ENOPH1: variants seen among roughly 807,000 people sequenced by gnomAD.
The protein encoded by ENOPH1 is enolase-phosphatase 1, also known as enolase-phosphatase E1.
ENOPH1 carries 14 observed loss-of-function variants against 31.1 expected under a neutral mutation model. The ratio of observed to expected loss-of-function variants is 0.45; its 90% CI spans 0.30 to 0.70. ENOPH1 has a LOEUF of 0.70. Ranked by LOEUF, ENOPH1 falls within the 30% of genes least tolerant of loss-of-function variation. The pLI, the probability that ENOPH1 is intolerant of heterozygous loss-of-function variation, is 0.09. For synonymous variants in ENOPH1, 127 were observed against 123.2 expected (o/e 1.03, Z -0.21); for missense variants, 243 against 321.5 (o/e 0.76, Z 1.87).
chr4:82,443,645 A>G (rs909559255), intron 1 of ENOPH1, among the ~76,000 whole-genome samples: 1 of 147,860 alleles, frequency 6.8e-6, no homozygotes, highest in South Asian at 2.2e-4. Context: ...GGAAAATGGC[A>G]TGAACCCAGC....
At chr4:82,454,085 A>G (rs1722421976) in intron 3 of ENOPH1, among the ~76,000 whole-genome samples, 1 of 150,364 alleles carries the variant, frequency 6.7e-6, no homozygotes, top group South Asian at 2.1e-4. Flanking sequence ...GTGGTAGCAC[A>G]TGCTTGTAGT....
chr4:82,433,813 G>A (rs1234622458), intron 1 of ENOPH1, among the ~76,000 whole-genome samples: 4 of 152,182 alleles, frequency 2.6e-5, no homozygotes. Flanking sequence ...TTTTAGTAGA[G>A]TATCTCAGTG....
Position 82,457,205 on chromosome 4 carries a change from T to TA in ENOPH1, c.646+179dup, listed in dbSNP as rs200636321. 4.0e-3 allele frequency among the ~76,000 whole-genome samples: 578 copies of TA among 144,648 alleles called. 2 individuals are homozygous for TA. The highest frequency in any genetic ancestry group is 5.2e-3 in the Non-Finnish European group (341 of 65,556). The allele number at this position is 144,648 out of a possible 152,430, so 94.9% of individuals were successfully genotyped here. A position where few individuals can be genotyped will look rare whatever the true frequency, so the allele number is the denominator to read the frequency against. On this transcript the variant is annotated intron_variant, in intron 5 of 5. Transcript: ENST00000273920. Reference sequence around the variant, plus strand: ...GTCTGGTTCAAGTTCATGTTTGAATTAAAAAAAAAAAACACAGCAGTGAAG... The same window carrying TA: ...GTCTGGTTCAAGTTCATGTTTGAATTAAAAAAAAAAAAACACAGCAGTGAAG...
intron 1 of ENOPH1, among the ~76,000 whole-genome samples, chr4:82,431,535 A>G (rs1298519689): frequency 6.6e-6 from 1 of 152,222 alleles, no homozygotes; most frequent in Admixed American, 6.5e-5. Flanking sequence ...CACTTTCCTC[A>G]GAAAACCACA....
chr4:82,450,909 T>C, intron 2 of ENOPH1, 134 bp from the exon 3 acceptor site: 2 of 648,326 alleles, frequency 3.1e-6, no homozygotes, highest in South Asian at 3.8e-5. Flanking sequence ...CTCCAAAGTA[T>C]ATGATGTTTC....
rs1422037434 is a variant in ENOPH1, at chr4:82,451,250, G to A, written c.389+5G>A. 6.2e-7 allele frequency: 1 copy of A among 1,613,696 alleles called. No individual in the cohort carries two copies. Among genetic ancestry groups the A allele is most frequent in the East Asian group, 2.2e-5 (1 of 44,890 alleles). On this transcript the variant is annotated splice_donor_5th_base_variant and intron_variant, in intron 3 of 5. Transcript: ENST00000273920. Reference sequence around the variant, plus strand: ...AGCTGGGCGCATGAAAGCAGAGTATGTGCTTGAGTCAGCCTAAACATTTCA... The same window carrying A: ...AGCTGGGCGCATGAAAGCAGAGTATATGCTTGAGTCAGCCTAAACATTTCA...
intron 2 of ENOPH1, among the ~76,000 whole-genome samples, chr4:82,449,596 T>C (rs929727756): frequency 6.6e-6 from 1 of 152,128 alleles, no homozygotes; most frequent in African/African-American, 2.4e-5. Flanking sequence ...AGGATGGTGC[T>C]AAACAAACCA....
At chr4:82,435,506 CT>C (rs1392474167) in intron 1 of ENOPH1, among the ~76,000 whole-genome samples, 3 of 152,176 alleles carry the variant, frequency 2.0e-5, no homozygotes, top group Non-Finnish European at 4.4e-5. Flanking sequence ...TAACAGTCCT[CT>C]TTATGTCCTC....
At chr4:82,446,677 G>GTGACGGAATC (rs1722194319) in intron 1 of ENOPH1, among the ~76,000 whole-genome samples, 1 of 108,582 alleles carries the variant, frequency 9.2e-6, no homozygotes. Context: ...TTTTTTTTTT[G>GTGACGGAATC]TGTGACGGAA....
chr4:82,430,756 G>GGCCGCA lies in ENOPH1; in HGVS notation c.-63_-58dup, dbSNP rs1357284800. On this transcript the variant is annotated 5_prime_UTR_variant, in exon 1 of 6. Coordinates refer to ENST00000273920, the MANE Select transcript of ENOPH1 (RefSeq NM_021204.5). ...GCCGGAAGCCCAAGACGGTACCGGG[G>GGCCGCA]GCCGCAGCCGCAGCCGGCGCCGCCC... 5 of 1,450,698 alleles carry GGCCGCA rather than the reference G, an allele frequency of 3.4e-6. No individual in the cohort carries two copies. The highest frequency in any genetic ancestry group is 1.7e-4 in the Middle Eastern group (1 of 5,736). The allele number at this position is 1,450,698 out of a possible 1,614,324, so 89.9% of individuals were successfully genotyped here. A position where few individuals can be genotyped will look rare whatever the true frequency, so the allele number is the denominator to read the frequency against.
In ENOPH1 at chr4:82,430,590, G is replaced by C. The variant is rs995271676; in HGVS notation, c.-240G>C. On this transcript the variant is annotated 5_prime_UTR_variant, in exon 1 of 6. Transcript: ENST00000273920. ...GGCCGCCCCTTTTCCTGCCCACGTG[G>C]TCTCGGGCTCCTGCCCCGTCCTGCT... is the stretch of plus-strand genomic sequence containing the variant. The C allele has an allele frequency of 1.0e-5, 5 of 482,822 alleles. No homozygotes were observed. Among genetic ancestry groups the C allele is most frequent in the Non-Finnish European group, 1.8e-5 (5 of 271,208 alleles). The allele number at this position is 482,822 out of a possible 1,614,324, so 29.9% of individuals were successfully genotyped here. A position where few individuals can be genotyped will look rare whatever the true frequency, so the allele number is the denominator to read the frequency against.
intron 1 of ENOPH1, 66 bp downstream of exon 1, chr4:82,430,979 T>G (rs918531713): frequency 3.9e-5 from 57 of 1,462,316 alleles, no homozygotes; most frequent in Non-Finnish European, 5.3e-5. Flanking sequence ...TTTCTAAGTA[T>G]TTCAGGCCTT....
intron 1 of ENOPH1, among the ~76,000 whole-genome samples, chr4:82,444,166 C>T (rs1284471440): frequency 6.6e-6 from 1 of 152,142 alleles, no homozygotes; most frequent in Non-Finnish European, 1.5e-5. Flanking sequence ...TGGGCCACGG[C>T]GCCCGGCCAG....
chr4:82,433,498 T>A (rs1032828914), intron 1 of ENOPH1, among the ~76,000 whole-genome samples: 4 of 152,208 alleles, frequency 2.6e-5, no homozygotes, highest in African/African-American at 9.6e-5. Flanking sequence ...CTATTGTTAT[T>A]AATATTGTTA....
At chr4:82,446,262 AC>A (rs1722179236) in intron 1 of ENOPH1, among the ~76,000 whole-genome samples, 1 of 152,144 alleles carries the variant, frequency 6.6e-6, no homozygotes, top group South Asian at 2.1e-4. Flanking sequence ...TACTAAAAAT[AC>A]AAAAATTAGC....
chr4:82,454,050 T>A (rs1560468105), intron 3 of ENOPH1, among the ~76,000 whole-genome samples: 2 of 134,866 alleles, frequency 1.5e-5, no homozygotes, highest in Non-Finnish European at 1.6e-5. Context: ...TACAAAAAAT[T>A]AAAAAAAAAA....
chr4:82,455,326 G>GT (rs1441208894), intron 4 of ENOPH1, among the ~76,000 whole-genome samples: 1 of 152,186 alleles, frequency 6.6e-6, no homozygotes, highest in Non-Finnish European at 1.5e-5. Flanking sequence ...CCCCCTGGAG[G>GT]ATGGGGTGAT....
intron 3 of ENOPH1, among the ~76,000 whole-genome samples, 155 bp downstream of exon 3, chr4:82,451,400 T>C (rs567986224): frequency 2.6e-5 from 4 of 152,340 alleles, no homozygotes; most frequent in Admixed American, 2.0e-4. Context: ...TTTCATTTTT[T>C]CAAAACTTGG....
At chr4:82,456,331 A>G (rs1300740303) in intron 4 of ENOPH1, among the ~76,000 whole-genome samples, 1 of 151,860 alleles carries the variant, frequency 6.6e-6, no homozygotes, top group African/African-American at 2.4e-5. Context: ...TTAGTAACTG[A>G]CCCTAAATAT....
Sources: allele counts gnomAD v4.1 joint callset (sites outside exome capture counted in the v4.1 genomes callset), GRCh38; gene constraint gnomAD v4.1.1; transcripts MANE v1.5; gene names NCBI Gene and HGNC (gene_info 2026-07-23, HGNC 2026-07-21).